FMN2: variants seen among roughly 807,000 people sequenced by gnomAD.
FMN2 encodes the protein formin 2, also known as formin-2.
In FMN2, 51 loss-of-function variants were observed where a neutral mutation model predicts 142.3. The ratio of observed to expected loss-of-function variants is 0.36; its 90% CI spans 0.29 to 0.45. The LOEUF (loss-of-function observed/expected upper bound fraction) is 0.45. Among genes scored for constraint, FMN2 ranks in the 20% least tolerant of loss-of-function variants. The pLI is 1.00. For missense variants in FMN2, 1,936 were observed against 2,122.8 expected (o/e 0.91, Z 1.73); for synonymous variants, 882 against 869.8 (o/e 1.01, Z -0.25).
At chr1:240,159,477 A>G (rs1241614835) in intron 2 of FMN2, among the ~76,000 whole-genome samples, 1 of 152,044 alleles carries the variant, frequency 6.6e-6, no homozygotes, top group Non-Finnish European at 1.5e-5. Context: ...TCTTTTGGTT[A>G]TGGAGTTCAA....
At position 240,093,551 on chromosome 1, in the gene FMN2, G is replaced by A; in HGVS notation, c.1442G>A (p.Arg481His). ...ADGGLAAGLS[R>H]SADWTEELGA... ...GGCGGCCTTGCGGCCGGCCTGAGCC[G>A]CTCGGCTGACTGGACGGAGGAGCTA... Residue 481 changes from arginine (R) to histidine (H), a missense_variant, in exon 1 of 18, where the codon CGC becomes CAC. Arg to His is a conservative substitution (Grantham distance 29). Transcript: ENST00000319653. 1 of 1,524,614 alleles carries A rather than the reference G, an allele frequency of 6.6e-7. No homozygotes were observed. 94.4% of individuals were successfully genotyped at this position (1,524,614 alleles called of 1,614,324 possible).
At chr1:240,275,186 T>C (rs184305812) in intron 7 of FMN2, among the ~76,000 whole-genome samples, 103 of 151,842 alleles carry the variant, frequency 6.8e-4, no homozygotes, top group African/African-American at 2.3e-3. Context: ...TTTTGCTGCA[T>C]GCATCAACCC....
chr1:240,097,269 T>C (rs1172986062), intron 1 of FMN2, among the ~76,000 whole-genome samples: 1 of 152,162 alleles, frequency 6.6e-6, no homozygotes, highest in Non-Finnish European at 1.5e-5. Context: ...GTGTGGGCTG[T>C]TGGCTTCAGT....
intron 15 of FMN2, among the ~76,000 whole-genome samples, chr1:240,427,579 T>TA (rs1675002579): frequency 2.6e-5 from 4 of 152,346 alleles, no homozygotes; most frequent in Middle Eastern, 3.4e-3. Flanking sequence ...AAGTAGATGA[T>TA]ATCTCTTACA....
At chr1:240,423,702 GC>G (rs776101624) in intron 15 of FMN2, among the ~76,000 whole-genome samples, 10 of 152,180 alleles carry the variant, frequency 6.6e-5, no homozygotes, top group Admixed American at 1.3e-4. Flanking sequence ...TTTAGATTGG[GC>G]CAGAACTGAA....
Position 240,092,280 on chromosome 1 carries a change from C to T in FMN2, c.171C>T (p.Gly57=), listed in dbSNP as rs1398687242. ...KHGKGGGGGG[G]GGESGKKKSK... ...GCAAGGGGGGAGGGGGCGGCGGCGG[C>T]GGCGGGGAGTCGGGCAAGAAGAAGA... Residue 57 remains glycine (G), a synonymous_variant, in exon 1 of 18, where the codon GGC becomes GGT. Coordinates refer to ENST00000319653, the MANE Select transcript of FMN2 (RefSeq NM_020066.5). The T allele has an allele frequency of 3.2e-6, 5 of 1,570,832 alleles. No homozygotes were observed. The highest frequency in any genetic ancestry group is 4.3e-6 in the Non-Finnish European group (5 of 1,154,582).
intron 14 of FMN2, among the ~76,000 whole-genome samples, chr1:240,358,589 C>T (rs890314119): frequency 6.0e-5 from 9 of 150,300 alleles, no homozygotes; most frequent in African/African-American, 9.9e-5. Context: ...TGGCAGAAGG[C>T]GAAGGGGAAG....
At chr1:240,232,969 C>A (rs1179536801) in intron 6 of FMN2, among the ~76,000 whole-genome samples, 5 of 152,154 alleles carry the variant, frequency 3.3e-5, no homozygotes, top group African/African-American at 1.2e-4. Context: ...ACATCAACAT[C>A]GTAGTTTTAA....
chr1:240,396,946 A>G (rs925369802), intron 15 of FMN2, among the ~76,000 whole-genome samples: 2 of 152,068 alleles, frequency 1.3e-5, no homozygotes, highest in Non-Finnish European at 2.9e-5. Context: ...AGAACGCATT[A>G]TTTTCCTTTG....
chr1:240,236,582 C>T (rs966696644), intron 6 of FMN2, among the ~76,000 whole-genome samples: 45 of 152,320 alleles, frequency 3.0e-4, no homozygotes, highest in Middle Eastern at 3.4e-3. Context: ...GCCTCATCAC[C>T]TTCTGCCATG....
chr1:240,464,446 C>CA (rs937648661), intron 16 of FMN2, among the ~76,000 whole-genome samples: 8 of 151,948 alleles, frequency 5.3e-5, no homozygotes, highest in Admixed American at 3.3e-4. Flanking sequence ...ATATACCCGA[C>CA]AAAAAAATGG....
intron 2 of FMN2, among the ~76,000 whole-genome samples, chr1:240,148,236 C>A (rs61830669): frequency 3.9e-4 from 16 of 41,440 alleles, no homozygotes; most frequent in East Asian, 6.7e-4. Flanking sequence ...AGACAGAGAC[C>A]GAGAGAGACA....
At chr1:240,319,600 G>A (rs1236383487) in intron 8 of FMN2, among the ~76,000 whole-genome samples, 1 of 152,206 alleles carries the variant, frequency 6.6e-6, no homozygotes. Context: ...TGTCCTCTGG[G>A]AGTTAGTTCT....
chr1:240,392,764 C>A (rs1252485507), intron 15 of FMN2, among the ~76,000 whole-genome samples: 1 of 151,920 alleles, frequency 6.6e-6, no homozygotes, highest in Non-Finnish European at 1.5e-5. Context: ...CTGTTAAATA[C>A]CAAATTATTG....
intron 14 of FMN2, among the ~76,000 whole-genome samples, chr1:240,375,138 T>A (rs1673000820): frequency 6.6e-6 from 1 of 152,192 alleles, no homozygotes; most frequent in South Asian, 2.1e-4. Flanking sequence ...ATTGATTGTT[T>A]GCCATCTTAT....
At position 240,207,646 on chromosome 1, in the gene FMN2, C is replaced by CGCCCCCTCTACCCGGAGCGGCAAT. The variant is rs766756457; in HGVS notation, c.2835_2858dup (p.Ala952_Ile953insMetProProLeuProGlyAlaAla). 541 of 1,023,826 alleles carry CGCCCCCTCTACCCGGAGCGGCAAT rather than the reference C, an allele frequency of 5.3e-4. 5 individuals carry two copies. The African/African-American group carries it at 0.013, about 25-fold the overall frequency. The allele number at this position is 1,023,826 out of a possible 1,614,324, so 63.4% of individuals were successfully genotyped here. ...CTACCCGGAGCGGGAATACCTCCTC[C>CGCCCCCTCTACCCGGAGCGGCAAT]GCCCCCTCTACCCGGAGCGGCAATA... On this transcript the variant is annotated inframe_insertion, in exon 5 of 18. Coordinates refer to ENST00000319653, the MANE Select transcript of FMN2 (RefSeq NM_020066.5).
At chr1:240,439,666 A>T (rs1381384093) in intron 16 of FMN2, among the ~76,000 whole-genome samples, 4 of 152,214 alleles carry the variant, frequency 2.6e-5, no homozygotes, top group Admixed American at 6.5e-5. Context: ...AACGTAAAAT[A>T]TGAGAGCTTT....
intron 7 of FMN2, among the ~76,000 whole-genome samples, chr1:240,275,988 C>T (rs1354946930): frequency 6.6e-6 from 1 of 152,114 alleles, no homozygotes; most frequent in Non-Finnish European, 1.5e-5. Context: ...TGCAAATGAC[C>T]TCTAAGGAAT....
intron 2 of FMN2, chr1:240,142,911 C>T (rs927485363): frequency 5.5e-5 from 89 of 1,605,898 alleles, no homozygotes; most frequent in Admixed American, 1.8e-4. Flanking sequence ...AACCAGCATT[C>T]GGGGCCGCAT....
Sources: gnomAD v4.1 joint callset for allele counts (sites outside exome capture counted in the v4.1 genomes callset) on GRCh38, gnomAD v4.1.1 for gene constraint, MANE v1.5 for transcripts, NCBI Gene and HGNC (gene_info 2026-07-23, HGNC 2026-07-21) for gene names.